The following ZSWIM2 variants were observed in gnomAD, a reference collection of about 807,000 sequenced individuals.
The protein encoded by ZSWIM2 is E3 ubiquitin-protein ligase ZSWIM2.
Under a neutral mutation model 48.4 loss-of-function variants are expected in ZSWIM2, and 38 were observed. That is an observed-to-expected ratio of 0.79 (90% CI 0.61 to 1.03). The LOEUF is 1.03. ZSWIM2 is among the 50% of genes least tolerant of loss of function. The probability of loss-of-function intolerance (pLI) is 0.00; values close to 1 mark genes in which losing one functional copy is unlikely to be tolerated. For synonymous variants in ZSWIM2, 240 were observed against 251.3 expected (o/e 0.96, Z 0.42); for missense variants, 776 against 730.2 (o/e 1.06, Z -0.72).
At position 186,849,054 on chromosome 2, in the gene ZSWIM2, G is replaced by C; in HGVS notation, c.77C>G (p.Ala26Gly). Residue 26 changes from alanine to glycine, a missense_variant, in exon 1 of 9, where the codon GCG (alanine) becomes GGG (glycine). Ala to Gly is a moderately conservative substitution (Grantham distance 60). Coordinates refer to ENST00000295131, the MANE Select transcript of ZSWIM2 (RefSeq NM_182521.3). ...SERLSWHQDQ[A>G]LSSSIYLLRE... ...TAGGAGGTAGATGCTGCTACTCAGCGCCTGGTCTTGGTGCCAGCTGAGCCT... is the reference window on the plus strand; with the variant it reads ...TAGGAGGTAGATGCTGCTACTCAGCCCCTGGTCTTGGTGCCAGCTGAGCCT... 1 of 1,614,162 alleles carries C rather than the reference G, an allele frequency of 6.2e-7. No individual in the cohort carries two copies. The highest frequency in any genetic ancestry group is 2.2e-5 in the East Asian group (1 of 44,868).
Position 186,837,180 on chromosome 2 carries a change from G to A in ZSWIM2, c.743+126C>T, listed in dbSNP as rs79554013. On this transcript the variant is annotated intron_variant, in intron 5 of 8. Coordinates refer to ENST00000295131, the MANE Select transcript of ZSWIM2 (RefSeq NM_182521.3). ...GTCTGTGAGTCCTAAATAAGCAGTC[G>A]TCACACAAGTCAAACAGTATATGCA... The A allele has an allele frequency of 3.4e-3, 3,280 of 968,556 alleles. 68 individuals are homozygous for A. In the African/African-American group the frequency reaches 0.042, roughly 12 times the overall value. The allele number at this position is 968,556 out of a possible 1,614,324, so 60.0% of individuals were successfully genotyped here. A position where few individuals can be genotyped will look rare whatever the true frequency, so the allele number is the denominator to read the frequency against.
intron 6 of ZSWIM2, among the ~76,000 whole-genome samples, chr2:186,833,650 G>T (rs1180692831): frequency 2.0e-5 from 3 of 152,072 alleles, no homozygotes; most frequent in Non-Finnish European, 4.4e-5. Flanking sequence ...AATGTTGAGA[G>T]CTTTTTAAAA....
In ZSWIM2 at chr2:186,839,068, G is replaced by A. The variant is rs1195439800; in HGVS notation, c.385C>T (p.His129Tyr). ...PQPGTNDENE[H>Y]VEEDGYIKQK... The stretch of plus-strand genomic sequence containing the variant: ...TTAATGTACCCATCTTCTTCAACAT[G>A]TTCATTTTCGTCATTTGTTCCTGGT... Residue 129 changes from histidine to tyrosine, a missense_variant, in exon 4 of 9, where the codon CAT (histidine) becomes TAT (tyrosine). His to Tyr is a moderately conservative substitution (Grantham distance 83, BLOSUM62 2). Transcript: ENST00000295131. 1 of 1,611,762 alleles carries A rather than the reference G, an allele frequency of 6.2e-7. No homozygotes were observed. Among genetic ancestry groups the A allele is most frequent in the Non-Finnish European group, 8.5e-7 (1 of 1,178,430 alleles).
Position 186,828,115 on chromosome 2 carries a change from A to G in ZSWIM2, c.1771T>C (p.Ser591Pro). 6.2e-7 allele frequency: 1 copy of G among 1,613,484 alleles called. No individual in the cohort carries two copies. The highest frequency in any genetic ancestry group is 8.5e-7 in the Non-Finnish European group (1 of 1,179,684). Residue 591 changes from serine to proline, a missense_variant, in exon 9 of 9, where the codon TCT becomes CCT. Transcript: ENST00000295131. ...CCCATACAGTTACTATACCTTTTAG[A>G]CAAACTAAGTTTAGCTGTGCTCCAA... is the stretch of plus-strand genomic sequence containing the variant. ...VNWSTAKLSL[S>P]KRYSNCMGEI...
chr2:186,847,681 T>A (rs765198119), intron 2 of ZSWIM2, 38 bp downstream of exon 2: 2 of 1,481,072 alleles, frequency 1.4e-6, no homozygotes, highest in Non-Finnish European at 1.9e-6. Context: ...CACCAAGATG[T>A]TCCTTCATGG....
chr2:186,846,551 A>G (rs1692005727), intron 2 of ZSWIM2, among the ~76,000 whole-genome samples: 1 of 151,894 alleles, frequency 6.6e-6, no homozygotes, highest in African/African-American at 2.4e-5. Flanking sequence ...AATTAGTTCA[A>G]CCTTTATGAA....
At chr2:186,839,283 A>G (rs944893562) in intron 3 of ZSWIM2, 114 bp from the exon 4 acceptor site, 2 of 934,540 alleles carry the variant, frequency 2.1e-6, no homozygotes, top group Non-Finnish European at 3.2e-6. Context: ...GACAGTTTTG[A>G]TTGAATTATC....
At chr2:186,835,621 A>G (rs1030411696) in intron 5 of ZSWIM2, among the ~76,000 whole-genome samples, 1 of 152,186 alleles carries the variant, frequency 6.6e-6, no homozygotes, top group Non-Finnish European at 1.5e-5. Context: ...TAATTTCGGA[A>G]TTAACCTCTT....
chr2:186,830,938 C>T (rs1691687950), intron 7 of ZSWIM2, among the ~76,000 whole-genome samples: 1 of 152,136 alleles, frequency 6.6e-6, no homozygotes, highest in Non-Finnish European at 1.5e-5. Context: ...TCTCATTACT[C>T]TACAGATATA....
chr2:186,835,635 A>T (rs1032288882), intron 5 of ZSWIM2, among the ~76,000 whole-genome samples: 8 of 152,202 alleles, frequency 5.3e-5, no homozygotes, highest in Non-Finnish European at 1.2e-4. Context: ...ACCTCTTAAA[A>T]GATGAAGTAG....
rs1691665640 is a variant in ZSWIM2 at position 186,829,806 on chromosome 2, G to C, written c.1016C>G (p.Ala339Gly). The C allele has an allele frequency of 2.5e-6, 4 of 1,613,660 alleles. No homozygotes were observed. The highest frequency in any genetic ancestry group is 3.4e-6 in the Non-Finnish European group (4 of 1,179,750). Residue 339 changes from alanine to glycine, a missense_variant, in exon 8 of 9, where the codon GCT becomes GGT. Ala to Gly is a moderately conservative substitution (Grantham distance 60). Coordinates refer to ENST00000295131, the MANE Select transcript of ZSWIM2 (RefSeq NM_182521.3). ...ACAAAGTAGACACTGGTAGCCTGGA[G>C]CAAGCAGCTTACTATTCTTAGTAAT... ...QLITKNSKLL[A>G]PGYQCLLCLK...
At chr2:186,844,805 A>C (rs1283808342) in intron 2 of ZSWIM2, 48 bp from the exon 3 acceptor site, 1 of 1,462,008 alleles carries the variant, frequency 6.8e-7, no homozygotes, top group East Asian at 2.4e-5. Flanking sequence ...TTTTTGGCAT[A>C]AACTCAAAAG....
intron 7 of ZSWIM2, among the ~76,000 whole-genome samples, chr2:186,831,167 A>T (rs1010257717): frequency 1.3e-5 from 2 of 152,080 alleles, no homozygotes; most frequent in African/African-American, 4.8e-5. Flanking sequence ...TTAGTTATAC[A>T]ACTTAGCATT....
chr2:186,838,658 T>TAC (rs1247701718), intron 4 of ZSWIM2, among the ~76,000 whole-genome samples: 2 of 147,506 alleles, frequency 1.4e-5, no homozygotes, highest in African/African-American at 2.5e-5. Context: ...AACATATATA[T>TAC]ACACACACAT....
At chr2:186,838,836 G>C (rs1691849580) in intron 4 of ZSWIM2, 123 bp downstream of exon 4, 2 of 500,690 alleles carry the variant, frequency 4.0e-6, no homozygotes, top group Non-Finnish European at 6.7e-6. Context: ...TGTTAATTAA[G>C]TATAAATTAG....
intron 5 of ZSWIM2, among the ~76,000 whole-genome samples, chr2:186,836,895 G>A (rs1361846896): frequency 2.6e-5 from 4 of 152,228 alleles, no homozygotes; most frequent in African/African-American, 9.6e-5. Context: ...TCCAGTCAAT[G>A]TCTCTCTGGC....
intron 5 of ZSWIM2, among the ~76,000 whole-genome samples, chr2:186,835,446 T>G (rs2105817964): frequency 6.6e-6 from 1 of 152,304 alleles, no homozygotes; most frequent in South Asian, 2.1e-4. Flanking sequence ...TCAGACATCT[T>G]AAAAGAAGCA....
chr2:186,848,829 T>C, intron 1 of ZSWIM2, 137 bp downstream of exon 1: 1 of 1,084,744 alleles, frequency 9.2e-7, no homozygotes, highest in South Asian at 1.4e-5. Flanking sequence ...GGAACACTCG[T>C]GGGAAGGCGC....
chr2:186,838,586 C>G (rs1691841404), intron 4 of ZSWIM2, among the ~76,000 whole-genome samples: 1 of 149,912 alleles, frequency 6.7e-6, no homozygotes, highest in Non-Finnish European at 1.5e-5. Context: ...AATTATGTTT[C>G]AGTTTTTACC....
Sources: allele counts gnomAD v4.1 joint callset (sites outside exome capture counted in the v4.1 genomes callset), GRCh38; gene constraint gnomAD v4.1.1; transcripts MANE v1.5; gene names NCBI Gene and HGNC (gene_info 2026-07-23, HGNC 2026-07-21).